Variants in FAF1 observed in about 807,000 individuals in gnomAD.
FAF1 encodes FAS-associated factor 1.
In FAF1, 25 loss-of-function variants were observed where a neutral mutation model predicts 92.5. The observed-to-expected ratio is 0.27, with a 90% CI of 0.20 to 0.38. FAF1 has a LOEUF of 0.38. Among genes scored for constraint, FAF1 ranks in the 10% least tolerant of loss-of-function variants. The pLI is 1.00. For synonymous variants in FAF1, 234 were observed against 273.2 expected (o/e 0.86, Z 1.42); for missense variants, 636 against 793.3 (o/e 0.80, Z 2.38).
intron 4 of FAF1, among the ~76,000 whole-genome samples, chr1:50,783,783 G>A (rs932044921): frequency 6.6e-6 from 1 of 152,150 alleles, no homozygotes; most frequent in Admixed American, 6.5e-5. Context: ...GCCGAGGCAT[G>A]AGAATCACTT....
chr1:50,739,377 T>TAC (rs1659289361), intron 5 of FAF1, among the ~76,000 whole-genome samples: 1 of 149,826 alleles, frequency 6.7e-6, no homozygotes, highest in African/African-American at 2.5e-5. Context: ...CGTACATACA[T>TAC]ATACATATAT....
intron 8 of FAF1, among the ~76,000 whole-genome samples, chr1:50,655,078 C>T (rs558639674): frequency 8.6e-4 from 130 of 151,024 alleles, no homozygotes; most frequent in African/African-American, 3.0e-3. Context: ...TCAAGTGATT[C>T]TCTTATCTCA....
In FAF1 at chr1:50,680,736, T is replaced by C. The variant is rs1017235099; in HGVS notation, c.657+25050A>G. On this transcript the variant is annotated intron_variant, in intron 7 of 18. Coordinates refer to ENST00000396153, the MANE Select transcript of FAF1 (RefSeq NM_007051.3). ...ATCACAGATTCTAAGAACTTCTGAGTCAAAAGTGACCTAAGGGATCGTCTA... is the reference window on the plus strand; with the variant it reads ...ATCACAGATTCTAAGAACTTCTGAGCCAAAAGTGACCTAAGGGATCGTCTA... Among the ~76,000 whole-genome samples the C allele has an allele frequency of 4.6e-5, 7 of 150,810 alleles. No homozygotes were observed. The South Asian group carries it at 1.5e-3, about 32-fold the overall frequency.
chr1:50,692,241 CTG>C (rs59187392), intron 7 of FAF1, among the ~76,000 whole-genome samples: 20,810 of 128,616 alleles, frequency 0.16, 1,512 homozygotes, highest in Non-Finnish European at 0.19. Flanking sequence ...GAAGTATTTA[CTG>C]TGTGTGTGTG....
chr1:50,860,240 C>T (rs1644421419), intron 1 of FAF1, among the ~76,000 whole-genome samples: 1 of 151,982 alleles, frequency 6.6e-6, no homozygotes, highest in East Asian at 1.9e-4. Context: ...GCAACCAAAA[C>T]CAAAATTGAC....
At chr1:50,827,709 ATTAT>A (rs1178658523) in intron 2 of FAF1, among the ~76,000 whole-genome samples, 4 of 152,190 alleles carry the variant, frequency 2.6e-5, no homozygotes, top group South Asian at 2.1e-4. Context: ...ATACCTAAAG[ATTAT>A]TTAAAGAATA....
intron 15 of FAF1, among the ~76,000 whole-genome samples, chr1:50,498,725 C>T (rs1028240508): frequency 1.3e-5 from 2 of 152,066 alleles, no homozygotes; most frequent in Non-Finnish European, 2.9e-5. Context: ...GGGCGCATGC[C>T]TATAATCCCA....
chr1:50,586,499 T>C (rs1320214831), intron 9 of FAF1, among the ~76,000 whole-genome samples: 2 of 152,190 alleles, frequency 1.3e-5, no homozygotes, highest in Non-Finnish European at 1.5e-5. Context: ...TAATCATATT[T>C]TCCCTCTCAA....
At chr1:50,538,271 A>G (rs1235712214) in intron 14 of FAF1, among the ~76,000 whole-genome samples, 3 of 152,068 alleles carry the variant, frequency 2.0e-5, no homozygotes, top group African/African-American at 7.2e-5. Flanking sequence ...CCAGACCACC[A>G]GTATACTTTA....
intron 18 of FAF1, among the ~76,000 whole-genome samples, chr1:50,454,554 A>G (rs1251022463): frequency 6.6e-6 from 1 of 152,192 alleles, no homozygotes; most frequent in Non-Finnish European, 1.5e-5. Context: ...CTATCCCATT[A>G]TCCTGCATGT....
At chr1:50,772,391 A>G (rs911445750) in intron 4 of FAF1, among the ~76,000 whole-genome samples, 8 of 152,210 alleles carry the variant, frequency 5.3e-5, no homozygotes. Context: ...TAAAAGACAC[A>G]TGTACTCATA....
intron 8 of FAF1, among the ~76,000 whole-genome samples, chr1:50,613,970 G>T (rs1652791701): frequency 6.6e-6 from 1 of 152,014 alleles, no homozygotes; most frequent in South Asian, 2.1e-4. Context: ...GGTGGCACGT[G>T]CCTGTAATCT....
At position 50,836,170 on chromosome 1, in the gene FAF1, G is replaced by GTTTTTTTGTTTT. The variant is rs1553144965; in HGVS notation, c.114+21758_114+21759insAAAACAAAAAAA. On this transcript the variant is annotated intron_variant, in intron 2 of 18. Coordinates refer to ENST00000396153, the MANE Select transcript of FAF1 (RefSeq NM_007051.3). ...GTGTGTGTTTTTGTTTTTTGTTTCT[G>GTTTTTTTGTTTT]TTTTTTTTTTTTTTTTTTTAGACAG... Among the ~76,000 whole-genome samples the GTTTTTTTGTTTT allele has an allele frequency of 1.0e-3, 103 of 98,504 alleles. 2 individuals carry two copies. Among genetic ancestry groups the GTTTTTTTGTTTT allele is most frequent in the East Asian group, 0.01 (41 of 3,950 alleles). The allele number at this position is 98,504 out of a possible 152,430, so 64.6% of individuals were successfully genotyped here.
intron 13 of FAF1, among the ~76,000 whole-genome samples, chr1:50,540,334 ATT>A (rs1403728226): frequency 6.6e-6 from 1 of 152,130 alleles, no homozygotes; most frequent in Non-Finnish European, 1.5e-5. Context: ...AACTACATTA[ATT>A]TCAAGAGGAT....
chr1:50,593,895 C>T (rs2124071806), intron 9 of FAF1, among the ~76,000 whole-genome samples: 1 of 152,042 alleles, frequency 6.6e-6, no homozygotes, highest in South Asian at 2.1e-4. Flanking sequence ...AATGGGTGTC[C>T]AAAATATATA....
chr1:50,826,273 G>A (rs559109720), intron 2 of FAF1, among the ~76,000 whole-genome samples: 1 of 152,278 alleles, frequency 6.6e-6, no homozygotes, highest in African/African-American at 2.4e-5. Context: ...TCTTTAAGCT[G>A]GGCACAGTGG....
At chr1:50,957,173 A>G (rs968814912) in intron 1 of FAF1, among the ~76,000 whole-genome samples, 3 of 152,080 alleles carry the variant, frequency 2.0e-5, no homozygotes, top group Non-Finnish European at 2.9e-5. Flanking sequence ...TCTTCTATCA[A>G]TAACATTCTT....
At chr1:50,721,170 A>AT (rs923448682) in intron 6 of FAF1, among the ~76,000 whole-genome samples, 28 of 147,740 alleles carry the variant, frequency 1.9e-4, no homozygotes, top group Admixed American at 3.4e-4. Flanking sequence ...ACTTTGGGAA[A>AT]TTTTTTTTTT....
intron 2 of FAF1, among the ~76,000 whole-genome samples, chr1:50,821,861 C>G (rs139728820): frequency 3.5e-4 from 53 of 151,950 alleles, no homozygotes; most frequent in South Asian, 1.0e-3. Context: ...AATGAAAACA[C>G]TATAAAGAAG....
Sources: gnomAD v4.1 joint callset for allele counts (sites outside exome capture counted in the v4.1 genomes callset) on GRCh38, gnomAD v4.1.1 for gene constraint, MANE v1.5 for transcripts, NCBI Gene and HGNC (gene_info 2026-07-23, HGNC 2026-07-21) for gene names.